The following AGAP1 variants were observed in gnomAD, a reference collection of about 807,000 sequenced individuals.
The protein encoded by AGAP1 is arf-GAP with GTPase, ANK repeat and PH domain-containing protein 1.
In AGAP1, 29 loss-of-function variants were observed where a neutral mutation model predicts 105.3. The ratio of observed to expected loss-of-function variants is 0.28; its 90% CI spans 0.21 to 0.38. The LOEUF (loss-of-function observed/expected upper bound fraction) is 0.38. AGAP1 is among the 10% of genes least tolerant of loss of function. The pLI is 1.00. For synonymous variants in AGAP1, 509 were observed against 485.9 expected (o/e 1.05, Z -0.63); for missense variants, 998 against 1,165.1 (o/e 0.86, Z 2.09).
At chr2:235,626,125 G>A (rs770333529) in intron 1 of AGAP1, among the ~76,000 whole-genome samples, 20 of 151,548 alleles carry the variant, frequency 1.3e-4, no homozygotes, top group Non-Finnish European at 2.4e-4. Flanking sequence ...GAGGCAGGTG[G>A]ATCACTTGAG....
At chr2:235,501,154 C>A (rs760101517) in intron 1 of AGAP1, among the ~76,000 whole-genome samples, 3 of 152,128 alleles carry the variant, frequency 2.0e-5, no homozygotes, top group Non-Finnish European at 4.4e-5. Flanking sequence ...TGGGGCCATT[C>A]TCAGTTATTG....
chr2:235,636,621 A>G (rs1947010731), intron 1 of AGAP1, among the ~76,000 whole-genome samples: 1 of 152,234 alleles, frequency 6.6e-6, no homozygotes, highest in East Asian at 1.9e-4. Context: ...GCATCCCATG[A>G]CATTGGGCTA....
Position 236,090,440 on chromosome 2 carries a change from T to C in AGAP1, c.2115-29752T>C, listed in dbSNP as rs934497071. 6.6e-6 allele frequency among the ~76,000 whole-genome samples: 1 copy of C among 152,224 alleles called. No individual in the cohort carries two copies. Among genetic ancestry groups the C allele is most frequent in the Admixed American group, 6.5e-5 (1 of 15,282 alleles). On this transcript the variant is annotated intron_variant, in intron 16 of 17. Transcript: ENST00000304032. The surrounding 1 kb of genome is among the most constrained non-coding windows in gnomAD (Gnocchi z 4.3). ...ATGTTTCTTCTAATTGGTAACAGAT[T>C]AGAGGCATTTTATCTTTTTAAATAA...
In AGAP1 at chr2:236,078,969, G is replaced by A. The variant is rs924464885; in HGVS notation, c.2114+29688G>A. On this transcript the variant is annotated intron_variant, in intron 16 of 17. Coordinates refer to ENST00000304032, the MANE Select transcript of AGAP1 (RefSeq NM_001037131.3). This position sits in a 1 kb window ranked among gnomAD's most constrained non-coding sequence, Gnocchi z 5.3. The stretch of plus-strand genomic sequence containing the variant: ...GCTTGAACAGTGAGGTTCCAGTCCC[G>A]TCCCTTTAGCCTCATCCCTCATGGG... 2.6e-5 allele frequency among the ~76,000 whole-genome samples: 4 copies of A among 152,144 alleles called. No homozygotes were observed. The highest frequency in any genetic ancestry group is 9.7e-5 in the African/African-American group (4 of 41,432).
chr2:235,705,902 A>C lies in AGAP1; in HGVS notation c.164-3277A>C, dbSNP rs1191030090. Among the ~76,000 whole-genome samples, 1 of 152,226 alleles carries C rather than the reference A, an allele frequency of 6.6e-6. No homozygotes were observed. The highest frequency in any genetic ancestry group is 1.5e-5 in the Non-Finnish European group (1 of 68,036). ...ATAATGAATATTTTATATTGTTAGA[A>C]AGTTAATCTTATGGTGGTATGTGTT... is the stretch of plus-strand genomic sequence containing the variant. On this transcript the variant is annotated intron_variant, in intron 1 of 17. Transcript: ENST00000304032. The surrounding 1 kb of genome is among the most constrained non-coding windows in gnomAD (Gnocchi z 4.9).
At chr2:235,795,604 C>G (rs1957209266) in intron 6 of AGAP1, among the ~76,000 whole-genome samples, 1 of 151,854 alleles carries the variant, frequency 6.6e-6, no homozygotes, top group South Asian at 2.1e-4. Context: ...ATTTTCTTTC[C>G]TTGATTTGTG....
At chr2:235,808,732 T>A (rs2150099897) in intron 9 of AGAP1, among the ~76,000 whole-genome samples, 1 of 152,312 alleles carries the variant, frequency 6.6e-6, no homozygotes, top group East Asian at 1.9e-4. Context: ...TACATGATCA[T>A]CTACTGGGCC....
chr2:235,993,578 C>G lies in AGAP1; in HGVS notation c.1645+24955C>G, dbSNP rs1402884231. On this transcript the variant is annotated intron_variant, in intron 13 of 17. Transcript: ENST00000304032. The surrounding 1 kb of genome is among the most constrained non-coding windows in gnomAD (Gnocchi z 5.0). ...ATAGAAACCAATGCTTCCCAAAGTTCACATTGTGGAAACTGAAGCCAGCAA... is the reference window on the plus strand; with the variant it reads ...ATAGAAACCAATGCTTCCCAAAGTTGACATTGTGGAAACTGAAGCCAGCAA... Among the ~76,000 whole-genome samples the G allele has an allele frequency of 2.0e-5, 3 of 152,204 alleles. No individual in the cohort carries two copies. Among genetic ancestry groups the G allele is most frequent in the Admixed American group, 2.0e-4 (3 of 15,286 alleles).
chr2:235,696,552 GTCCGTGTGGGTC>G (rs1950006471), intron 1 of AGAP1, among the ~76,000 whole-genome samples: 1 of 152,188 alleles, frequency 6.6e-6, no homozygotes, highest in Non-Finnish European at 1.5e-5. Flanking sequence ...ATGAGAGATG[GTCCGTGTGGGTC>G]AGCCGGCTCA....
In AGAP1 at chr2:235,908,957, G is replaced by A. The variant is rs1280398276; in HGVS notation, c.1324+51G>A. On this transcript the variant is annotated intron_variant, in intron 11 of 17. Transcript: ENST00000304032. This position sits in a 1 kb window ranked among gnomAD's most constrained non-coding sequence, Gnocchi z 4.4. Reference sequence around the variant, plus strand: ...AAATCAAGTTCAACAGCAACAGGTGGTCCAGGCTCGAGGATAATGTTGGAC... The same window carrying A: ...AAATCAAGTTCAACAGCAACAGGTGATCCAGGCTCGAGGATAATGTTGGAC... 1.3e-6 allele frequency: 2 copies of A among 1,560,496 alleles called. No individual in the cohort carries two copies. The highest frequency in any genetic ancestry group is 1.8e-6 in the Non-Finnish European group (2 of 1,139,736).
In AGAP1 at chr2:235,622,664, C is replaced by G. The variant is rs1574982898; in HGVS notation, c.164-86515C>G. 6.6e-6 allele frequency among the ~76,000 whole-genome samples: 1 copy of G among 152,262 alleles called. No individual in the cohort carries two copies. The highest frequency in any genetic ancestry group is 1.9e-4 in the East Asian group (1 of 5,176). Reference sequence around the variant, plus strand: ...GGGAGCCCTGGCTGGATCAGAAGCACATGGTTCAGTGGACACTGTCAGAGG... The same window carrying G: ...GGGAGCCCTGGCTGGATCAGAAGCAGATGGTTCAGTGGACACTGTCAGAGG... On this transcript the variant is annotated intron_variant, in intron 1 of 17. Coordinates refer to ENST00000304032, the MANE Select transcript of AGAP1 (RefSeq NM_001037131.3). The surrounding 1 kb of genome is among the most constrained non-coding windows in gnomAD (Gnocchi z 5.0).
At position 235,622,646 on chromosome 2, in the gene AGAP1, C is replaced by G. The variant is rs1021124219; in HGVS notation, c.164-86533C>G. On this transcript the variant is annotated intron_variant, in intron 1 of 17. Coordinates refer to ENST00000304032, the MANE Select transcript of AGAP1 (RefSeq NM_001037131.3). The surrounding 1 kb of genome is among the most constrained non-coding windows in gnomAD (Gnocchi z 5.0). ...AATGCGACCTATGAAATTGGGAGCC[C>G]TGGCTGGATCAGAAGCACATGGTTC... is the stretch of plus-strand genomic sequence containing the variant. Among the ~76,000 whole-genome samples, 1 of 152,124 alleles carries G rather than the reference C, an allele frequency of 6.6e-6. No individual in the cohort carries two copies. The highest frequency in any genetic ancestry group is 2.4e-5 in the African/African-American group (1 of 41,436).
chr2:236,116,402 T>C (rs1191353050), intron 16 of AGAP1, among the ~76,000 whole-genome samples: 1 of 147,316 alleles, frequency 6.8e-6, no homozygotes, highest in Non-Finnish European at 1.5e-5. Context: ...CACGCTGGAG[T>C]GCAGTGACGC....
At position 236,105,276 on chromosome 2, in the gene AGAP1, G is replaced by A. The variant is rs541481793; in HGVS notation, c.2115-14916G>A. Among the ~76,000 whole-genome samples the A allele has an allele frequency of 3.9e-5, 6 of 152,282 alleles. No homozygotes were observed. Among genetic ancestry groups the A allele is most frequent in the Admixed American group, 2.0e-4 (3 of 15,302 alleles). On this transcript the variant is annotated intron_variant, in intron 16 of 17. Coordinates refer to ENST00000304032, the MANE Select transcript of AGAP1 (RefSeq NM_001037131.3). The surrounding 1 kb of genome is among the most constrained non-coding windows in gnomAD (Gnocchi z 4.2). ...GAACCCTGCATGCACACAGTCTTGC[G>A]TCAACTTCAGTTTTAACACGATAGC...
intron 13 of AGAP1, among the ~76,000 whole-genome samples, chr2:236,006,092 C>T (rs1372308860): frequency 6.6e-6 from 1 of 152,156 alleles, no homozygotes; most frequent in Non-Finnish European, 1.5e-5. Context: ...TATTTGTATT[C>T]ATGTGGACTT....
At position 235,734,437 on chromosome 2, in the gene AGAP1, C is replaced by T. The variant is rs1354460904; in HGVS notation, c.311-6526C>T. Among the ~76,000 whole-genome samples, 1 of 151,916 alleles carries T rather than the reference C, an allele frequency of 6.6e-6. No individual in the cohort carries two copies. The highest frequency in any genetic ancestry group is 1.9e-4 in the East Asian group (1 of 5,162). On this transcript the variant is annotated intron_variant, in intron 3 of 17. Coordinates refer to ENST00000304032, the MANE Select transcript of AGAP1 (RefSeq NM_001037131.3). The surrounding 1 kb of genome is among the most constrained non-coding windows in gnomAD (Gnocchi z 5.3). Reference sequence around the variant, plus strand: ...TCTTGATCAGACACTGCCATGAGGTCCCTCCCCTCTCTGATGGCAAAGGGA... The same window carrying T: ...TCTTGATCAGACACTGCCATGAGGTTCCTCCCCTCTCTGATGGCAAAGGGA...
chr2:235,902,097 T>A (rs975870297), intron 10 of AGAP1, among the ~76,000 whole-genome samples: 5 of 152,306 alleles, frequency 3.3e-5, no homozygotes, highest in African/African-American at 1.2e-4. Context: ...TTGTTTTATA[T>A]TTTTTTAGGT....
Position 235,740,470 on chromosome 2 carries a change from C to T in AGAP1, c.311-493C>T, listed in dbSNP as rs911288638. On this transcript the variant is annotated intron_variant, in intron 3 of 17. Coordinates refer to ENST00000304032, the MANE Select transcript of AGAP1 (RefSeq NM_001037131.3). This position sits in a 1 kb window ranked among gnomAD's most constrained non-coding sequence, Gnocchi z 5.7. ...TAATTGTGGCCTGTGACTCTGGAAA[C>T]ACCATTCTCATGATGTTCTATGTCT... 6.6e-6 allele frequency among the ~76,000 whole-genome samples: 1 copy of T among 152,214 alleles called. No homozygotes were observed. The highest frequency in any genetic ancestry group is 2.4e-5 in the African/African-American group (1 of 41,454).
intron 9 of AGAP1, among the ~76,000 whole-genome samples, chr2:235,811,943 C>T (rs963776965): frequency 7.2e-5 from 11 of 152,180 alleles, no homozygotes; most frequent in Admixed American, 6.5e-5. Flanking sequence ...TAGGCAAAGA[C>T]GTGTGCATCA....
Sources: gnomAD v4.1 joint callset for allele counts (sites outside exome capture counted in the v4.1 genomes callset) on GRCh38, gnomAD v4.1.1 for gene constraint, Gnocchi (gnomAD v3.1) non-coding constraint, MANE v1.5 for transcripts, NCBI Gene and HGNC (gene_info 2026-07-23, HGNC 2026-07-21) for gene names.